Variants in GSE1 observed in about 807,000 individuals in gnomAD.
GSE1 encodes Gse1 coiled-coil protein.
A neutral mutation model predicts 112.6 loss-of-function variants in GSE1; 32 were observed. That is an observed-to-expected ratio of 0.28 (90% confidence interval 0.21 to 0.38). GSE1 has a LOEUF of 0.38. Among genes scored for constraint, GSE1 ranks in the 10% least tolerant of loss-of-function variants. The pLI is 1.00. For missense variants in GSE1, 2,348 were observed against 1,699.2 expected, an observed-to-expected ratio of 1.38 and a Z score of -6.71; for synonymous variants, 1,115 against 735.6, an observed-to-expected ratio of 1.52 and a Z score of -8.35.
chr16:85,631,063 T>C (rs1204291675), intron 1 of GSE1, among the ~76,000 whole-genome samples: 14 of 152,128 alleles, frequency 9.2e-5, no homozygotes, highest in Admixed American at 8.5e-4. Context: ...TCCAGGCAGC[T>C]CTCCTAGCGT....
intron 1 of GSE1, among the ~76,000 whole-genome samples, chr16:85,214,800 CAGTG>C (rs2143690285): frequency 6.6e-6 from 1 of 150,968 alleles, no homozygotes; most frequent in Admixed American, 6.7e-5. Flanking sequence ...CATAGGTCTG[CAGTG>C]AGTGAGAGGA....
chr16:85,657,803 C>T (rs1471397613), intron 8 of GSE1, among the ~76,000 whole-genome samples, 199 bp downstream of exon 8: 1 of 152,190 alleles, frequency 6.6e-6, no homozygotes, highest in Admixed American at 6.5e-5. Flanking sequence ...ATGGATTGCT[C>T]AAAGGTATCC....
intron 2 of GSE1, among the ~76,000 whole-genome samples, chr16:85,488,206 ATCT>A (rs1184771200): frequency 8.6e-5 from 13 of 152,026 alleles, no homozygotes; most frequent in Non-Finnish European, 1.2e-4. Flanking sequence ...CTGCTGCCTC[ATCT>A]TCTTCTTGGT....
intron 14 of GSE1, among the ~76,000 whole-genome samples, chr16:85,668,922 C>T (rs918154723): frequency 6.6e-6 from 1 of 152,256 alleles, no homozygotes; most frequent in Non-Finnish European, 1.5e-5. Flanking sequence ...AAAAGACAGG[C>T]TCCTGGTAAA....
intron 3 of GSE1, among the ~76,000 whole-genome samples, chr16:85,652,485 A>G (rs1466021529): frequency 6.6e-6 from 1 of 152,194 alleles, no homozygotes; most frequent in Admixed American, 6.5e-5. Context: ...CCTACAGAGA[A>G]GGGGGGCCGG....
At chr16:85,642,641 A>G (rs946896086) in intron 2 of GSE1, among the ~76,000 whole-genome samples, 146 of 152,324 alleles carry the variant, frequency 9.6e-4, no homozygotes, top group African/African-American at 3.2e-3. Flanking sequence ...GCCCCCGGCC[A>G]TGGCATCTCA....
At chr16:85,637,393 G>A (rs1344106887) in intron 2 of GSE1, among the ~76,000 whole-genome samples, 2 of 152,246 alleles carry the variant, frequency 1.3e-5, no homozygotes, top group African/African-American at 4.8e-5. Flanking sequence ...CGAACCCGCA[G>A]CTGCCTTTCT....
intron 2 of GSE1, among the ~76,000 whole-genome samples, chr16:85,442,927 G>A (rs1209891219): frequency 1.3e-5 from 2 of 152,196 alleles, no homozygotes; most frequent in African/African-American, 4.8e-5. Flanking sequence ...GGTGGCCGTT[G>A]GTGACCCGTG....
intron 1 of GSE1, among the ~76,000 whole-genome samples, chr16:85,599,438 A>G (rs538082095): frequency 2.0e-4 from 30 of 152,270 alleles, no homozygotes; most frequent in African/African-American, 6.3e-4. Context: ...CCTGCCCCCA[A>G]TCTGGAATGT....
intron 2 of GSE1, among the ~76,000 whole-genome samples, chr16:85,534,955 G>A (rs1212775212): frequency 6.6e-6 from 1 of 152,174 alleles, no homozygotes; most frequent in Non-Finnish European, 1.5e-5. Context: ...GGAATGAGGA[G>A]CCCGTGGTCT....
intron 2 of GSE1, among the ~76,000 whole-genome samples, chr16:85,470,127 T>C (rs952694564): frequency 2.6e-4 from 39 of 152,224 alleles, no homozygotes; most frequent in Non-Finnish European, 2.9e-5. Flanking sequence ...TGTTCCGCTT[T>C]TTATCACCTC....
chr16:85,497,211 T>C (rs1257874172), intron 2 of GSE1, among the ~76,000 whole-genome samples: 1 of 152,214 alleles, frequency 6.6e-6, no homozygotes, highest in Non-Finnish European at 1.5e-5. Flanking sequence ...GATCTGGGCC[T>C]TTCTGGTCCC....
intron 1 of GSE1, among the ~76,000 whole-genome samples, chr16:85,627,753 C>T (rs1447672645): frequency 6.6e-6 from 1 of 152,084 alleles, no homozygotes; most frequent in East Asian, 1.9e-4. Flanking sequence ...AATGAATTTA[C>T]ATGAGCTGAT....
At chr16:85,552,979 C>T (rs907081701), upstream of GSE1, among the ~76,000 whole-genome samples, 1 of 152,100 alleles carries the variant, frequency 6.6e-6, no homozygotes, top group Non-Finnish European at 1.5e-5. Flanking sequence ...CGTGTAATCC[C>T]GGAGAATTAA....
At chr16:85,647,113 C>T (rs1304641460) in intron 2 of GSE1, among the ~76,000 whole-genome samples, 1 of 152,310 alleles carries the variant, frequency 6.6e-6, no homozygotes, top group Middle Eastern at 3.4e-3. Flanking sequence ...GGGAACACTC[C>T]TCCCCGTCCT....
At chr16:85,256,625 T>C (rs1353498747) in intron 1 of GSE1, among the ~76,000 whole-genome samples, 1 of 152,232 alleles carries the variant, frequency 6.6e-6, no homozygotes, top group Admixed American at 6.5e-5. Flanking sequence ...GACCCCGGAT[T>C]CCACCAGCTC....
At chr16:85,183,093 G>A (rs919010100) in intron 1 of GSE1, among the ~76,000 whole-genome samples, 1 of 151,874 alleles carries the variant, frequency 6.6e-6, no homozygotes, top group Non-Finnish European at 1.5e-5. Context: ...ACTCACATGC[G>A]TGCTCTTCCA....
chr16:85,334,827 C>T (rs1042969116), intron 1 of GSE1, among the ~76,000 whole-genome samples: 3 of 152,214 alleles, frequency 2.0e-5, no homozygotes. Flanking sequence ...GAAAAGCTGT[C>T]CTTTTGTAAA....
chr16:85,264,829 G>A (rs764599184), intron 1 of GSE1, among the ~76,000 whole-genome samples: 18 of 152,202 alleles, frequency 1.2e-4, no homozygotes, highest in Admixed American at 2.6e-4. Context: ...ACCGGGAGGG[G>A]TGAGGGGGTT....
Sources: allele counts gnomAD v4.1 joint callset (sites outside exome capture counted in the v4.1 genomes callset), GRCh38; gene constraint gnomAD v4.1.1; transcripts MANE v1.5; gene names NCBI Gene and HGNC (gene_info 2026-07-23, HGNC 2026-07-21).